Variants in SBF2 observed in about 807,000 individuals in gnomAD.
SBF2 encodes SET binding factor 2.
SBF2 carries 112 observed loss-of-function variants against 225.2 expected under a neutral mutation model. The ratio of observed to expected loss-of-function variants is 0.50; its 90% CI spans 0.43 to 0.58. The LOEUF is 0.58. Among genes scored for constraint, SBF2 ranks in the 20% least tolerant of loss-of-function variants. SBF2 has a pLI of 0.00. For synonymous variants in SBF2, 763 were observed against 773.3 expected (o/e 0.99, Z 0.22); for missense variants, 1,996 against 2,206.2 (o/e 0.90, Z 1.91).
At chr11:10,029,155 C>A (rs1180738088) in intron 5 of SBF2, among the ~76,000 whole-genome samples, 4 of 152,050 alleles carry the variant, frequency 2.6e-5, no homozygotes, top group Non-Finnish European at 4.4e-5. Flanking sequence ...AAATTATCAC[C>A]TATTCATTTT....
At chr11:10,083,960 G>A (rs1249209446) in intron 2 of SBF2, among the ~76,000 whole-genome samples, 1 of 152,036 alleles carries the variant, frequency 6.6e-6, no homozygotes, top group African/African-American at 2.4e-5. Context: ...GGCAACACAG[G>A]GAGACCACAT....
intron 1 of SBF2, among the ~76,000 whole-genome samples, chr11:10,196,919 GCTT>G (rs1047509214): frequency 7.2e-6 from 1 of 139,018 alleles, no homozygotes; most frequent in Non-Finnish European, 1.5e-5. Context: ...TTATACACTG[GCTT>G]ATTACTTAAT....
At chr11:10,219,318 A>C (rs889582143) in intron 1 of SBF2, among the ~76,000 whole-genome samples, 2 of 152,198 alleles carry the variant, frequency 1.3e-5, no homozygotes, top group Non-Finnish European at 2.9e-5. Flanking sequence ...CTGAGCTGTA[A>C]CTTGGCCCCT....
chr11:10,070,575 T>C (rs1160797087), intron 2 of SBF2, among the ~76,000 whole-genome samples: 1 of 152,230 alleles, frequency 6.6e-6, no homozygotes, highest in East Asian at 1.9e-4. Flanking sequence ...TGTAGTATAG[T>C]TTGAAGTCAG....
chr11:10,174,102 G>A (rs1359398052), intron 2 of SBF2, among the ~76,000 whole-genome samples: 1 of 151,918 alleles, frequency 6.6e-6, no homozygotes, highest in Non-Finnish European at 1.5e-5. Flanking sequence ...AAAGCAGAGC[G>A]CCTCTCCTCC....
chr11:10,162,819 C>A (rs1344133834), intron 2 of SBF2, among the ~76,000 whole-genome samples: 1 of 152,106 alleles, frequency 6.6e-6, no homozygotes, highest in Non-Finnish European at 1.5e-5. Context: ...ATGACCTTTA[C>A]AGATCCAAGA....
chr11:9,928,466 G>T (rs957230325), intron 16 of SBF2, among the ~76,000 whole-genome samples: 1 of 152,224 alleles, frequency 6.6e-6, no homozygotes, highest in African/African-American at 2.4e-5. Flanking sequence ...TGGAGAGGAT[G>T]TGGAAATACT....
intron 2 of SBF2, among the ~76,000 whole-genome samples, chr11:10,101,527 G>A (rs1415998622): frequency 6.6e-6 from 1 of 152,082 alleles, no homozygotes; most frequent in Admixed American, 6.6e-5. Context: ...GCCACAGTAA[G>A]CAGGGTCATC....
chr11:10,023,851 G>A (rs1268330378), intron 6 of SBF2, among the ~76,000 whole-genome samples: 1 of 152,074 alleles, frequency 6.6e-6, no homozygotes, highest in African/African-American at 2.4e-5. Flanking sequence ...AAGTTTTGGT[G>A]TGAATATATG....
intron 16 of SBF2, among the ~76,000 whole-genome samples, chr11:9,937,307 CA>C (rs1336956236): frequency 2.6e-5 from 4 of 151,642 alleles, no homozygotes; most frequent in African/African-American, 9.7e-5. Flanking sequence ...TTGTGGGAAG[CA>C]TAAAGGAATG....
intron 2 of SBF2, among the ~76,000 whole-genome samples, chr11:10,106,975 T>C (rs1169784524): frequency 6.6e-6 from 1 of 152,212 alleles, no homozygotes; most frequent in Non-Finnish European, 1.5e-5. Flanking sequence ...GCCACTACAC[T>C]GTAGTCCAAT....
intron 17 of SBF2, among the ~76,000 whole-genome samples, chr11:9,884,637 T>C (rs974942374): frequency 6.6e-6 from 1 of 152,124 alleles, no homozygotes; most frequent in Admixed American, 6.5e-5. Flanking sequence ...AAGTCAAGCA[T>C]TTGCCACAGA....
At chr11:9,876,890 C>G (rs528115856) in intron 17 of SBF2, among the ~76,000 whole-genome samples, 10 of 152,102 alleles carry the variant, frequency 6.6e-5, no homozygotes, top group Non-Finnish European at 1.5e-4. Flanking sequence ...AGGCGCCCAC[C>G]ACCATCCCCA....
chr11:10,292,052 A>G (rs1964192076), intron 1 of SBF2, among the ~76,000 whole-genome samples: 1 of 152,252 alleles, frequency 6.6e-6, no homozygotes, highest in Non-Finnish European at 1.5e-5. Context: ...AGGAGAAGAT[A>G]AAGGAAATGT....
chr11:10,168,897 A>C (rs1258756634), intron 2 of SBF2, among the ~76,000 whole-genome samples: 2 of 152,216 alleles, frequency 1.3e-5, no homozygotes, highest in Non-Finnish European at 2.9e-5. Flanking sequence ...TAAATTAACC[A>C]ATTGAGCACA....
chr11:10,137,483 G>A (rs1954435573), intron 2 of SBF2, among the ~76,000 whole-genome samples: 1 of 152,086 alleles, frequency 6.6e-6, no homozygotes, highest in Non-Finnish European at 1.5e-5. Context: ...CAATCTTAGG[G>A]GGAAAGCATT....
At chr11:10,101,056 GTGTT>G (rs1487293825) in intron 2 of SBF2, among the ~76,000 whole-genome samples, 2 of 152,172 alleles carry the variant, frequency 1.3e-5, no homozygotes, top group Non-Finnish European at 2.9e-5. Flanking sequence ...CTTTGTGTGT[GTGTT>G]TGTTTATGTG....
chr11:9,925,640 C>A (rs1227351598), intron 16 of SBF2, among the ~76,000 whole-genome samples: 1 of 152,220 alleles, frequency 6.6e-6, no homozygotes, highest in Non-Finnish European at 1.5e-5. Flanking sequence ...ATATGTCACA[C>A]TAACAGCACA....
At chr11:10,100,278 GC>G (rs1394180052) in intron 2 of SBF2, among the ~76,000 whole-genome samples, 7 of 152,202 alleles carry the variant, frequency 4.6e-5, no homozygotes, top group African/African-American at 1.7e-4. Context: ...TGATAAATTG[GC>G]TCTGCCTAGG....
Sources: gnomAD v4.1 joint callset for allele counts (sites outside exome capture counted in the v4.1 genomes callset) on GRCh38, gnomAD v4.1.1 for gene constraint, MANE v1.5 for transcripts, NCBI Gene and HGNC (gene_info 2026-07-23, HGNC 2026-07-21) for gene names.